Variants in SORCS1 observed in about 807,000 individuals in gnomAD.
The protein encoded by SORCS1 is sortilin related VPS10 domain containing receptor 1.
In SORCS1, 60 loss-of-function variants were observed where a neutral mutation model predicts 146.1. The ratio of observed to expected loss-of-function variants is 0.41; its 90% CI spans 0.33 to 0.51. The LOEUF is 0.51. SORCS1 is among the 20% of genes least tolerant of loss of function. The pLI is 0.21. For missense variants in SORCS1, 1,352 were observed against 1,487.6 expected, an observed-to-expected ratio of 0.91 and a Z score of 1.50; for synonymous variants, 637 against 584.0, an observed-to-expected ratio of 1.09 and a Z score of -1.31.
intron 1 of SORCS1, among the ~76,000 whole-genome samples, chr10:107,052,230 C>T (rs1295371877): frequency 6.6e-6 from 1 of 152,138 alleles, no homozygotes; most frequent in Non-Finnish European, 1.5e-5. Context: ...ACTCATTTAT[C>T]ATTTCTCAGC....
intron 8 of SORCS1, among the ~76,000 whole-genome samples, chr10:106,701,625 T>G (rs1337708669): frequency 6.6e-6 from 1 of 152,152 alleles, no homozygotes; most frequent in African/African-American, 2.4e-5. Flanking sequence ...TCCTGTGACA[T>G]TTTTTTGGTC....
chr10:107,152,443 T>G (rs1223151850), intron 1 of SORCS1, among the ~76,000 whole-genome samples: 1 of 152,158 alleles, frequency 6.6e-6, no homozygotes, highest in South Asian at 2.1e-4. Context: ...ACTTGTTCCA[T>G]GCATTTGGAA....
chr10:106,657,274 A>C (rs191966017), intron 17 of SORCS1, among the ~76,000 whole-genome samples: 1 of 152,228 alleles, frequency 6.6e-6, no homozygotes, highest in African/African-American at 2.4e-5. Context: ...CTACTCAGTC[A>C]TAAAAAAAGA....
intron 5 of SORCS1, among the ~76,000 whole-genome samples, chr10:106,760,210 C>T (rs879775041): frequency 5.9e-5 from 9 of 151,516 alleles, no homozygotes; most frequent in South Asian, 2.1e-4. Flanking sequence ...TTTGGGAGGC[C>T]GAGGTGGGGG....
At chr10:107,103,338 T>C (rs1965077957) in intron 1 of SORCS1, among the ~76,000 whole-genome samples, 1 of 152,194 alleles carries the variant, frequency 6.6e-6, no homozygotes, top group South Asian at 2.1e-4. Context: ...GCTTTTGTCA[T>C]TGTGGATGGC....
chr10:106,686,731 C>T (rs577487426), intron 10 of SORCS1, among the ~76,000 whole-genome samples: 41 of 152,124 alleles, frequency 2.7e-4, no homozygotes, highest in Non-Finnish European at 4.7e-4. Flanking sequence ...AGACTGCTTC[C>T]CTGATGCACA....
At chr10:106,675,479 A>G (rs1209480004) in intron 13 of SORCS1, among the ~76,000 whole-genome samples, 1 of 152,144 alleles carries the variant, frequency 6.6e-6, no homozygotes, top group East Asian at 1.9e-4. Context: ...ACCCTGTCCA[A>G]AACCTCTCTA....
intron 2 of SORCS1, among the ~76,000 whole-genome samples, chr10:106,869,200 C>T (rs1950321434): frequency 6.6e-6 from 1 of 152,032 alleles, no homozygotes; most frequent in Non-Finnish European, 1.5e-5. Flanking sequence ...CAGCAATAAA[C>T]AGTCTACCAA....
At chr10:106,804,135 T>G (rs949407501) in intron 3 of SORCS1, among the ~76,000 whole-genome samples, 5 of 152,132 alleles carry the variant, frequency 3.3e-5, no homozygotes, top group African/African-American at 1.2e-4. Context: ...GTACTCATAA[T>G]TATTGTATCA....
intron 5 of SORCS1, among the ~76,000 whole-genome samples, chr10:106,752,265 C>A (rs924560177): frequency 6.6e-6 from 1 of 152,136 alleles, no homozygotes; most frequent in Non-Finnish European, 1.5e-5. Context: ...AAAGAGATTT[C>A]TTTTGTCCCC....
At chr10:106,719,445 G>A (rs1255481799) in intron 6 of SORCS1, among the ~76,000 whole-genome samples, 12 of 146,872 alleles carry the variant, frequency 8.2e-5, no homozygotes, top group Non-Finnish European at 1.5e-4. Flanking sequence ...ATGGAGTCTC[G>A]CTCTGTCGCC....
At chr10:106,579,031 A>G in intron 25 of SORCS1, 1 of 1,594,706 alleles carries the variant, frequency 6.3e-7, no homozygotes, top group Non-Finnish European at 8.5e-7. Context: ...AAGGGGTTAG[A>G]GAGAGAGTCA....
intron 3 of SORCS1, among the ~76,000 whole-genome samples, chr10:106,801,490 AC>A (rs1246030895): frequency 4.6e-5 from 7 of 151,488 alleles, no homozygotes; most frequent in African/African-American, 1.7e-4. Context: ...ATGTAAACCC[AC>A]GAATTTATTG....
At chr10:106,872,353 G>A (rs1412141821) in intron 2 of SORCS1, among the ~76,000 whole-genome samples, 1 of 152,188 alleles carries the variant, frequency 6.6e-6, no homozygotes, top group East Asian at 1.9e-4. Context: ...TTATGACCAG[G>A]TGGTGAGCAT....
chr10:106,811,632 T>C (rs370524985), intron 3 of SORCS1, among the ~76,000 whole-genome samples: 2 of 152,284 alleles, frequency 1.3e-5, no homozygotes, highest in Admixed American at 6.5e-5. Context: ...GAAAGGCAAC[T>C]GGGCATATCT....
intron 1 of SORCS1, among the ~76,000 whole-genome samples, chr10:107,105,402 C>T (rs1190283621): frequency 2.6e-5 from 4 of 152,146 alleles, no homozygotes; most frequent in East Asian, 1.9e-4. Flanking sequence ...TTGACTCACA[C>T]GATCATAAGG....
chr10:106,950,861 T>C (rs1046033963), intron 2 of SORCS1, among the ~76,000 whole-genome samples: 1 of 152,100 alleles, frequency 6.6e-6, no homozygotes, highest in Admixed American at 6.6e-5. Flanking sequence ...TGTCTAACAC[T>C]CAGCATCATG....
chr10:106,849,478 T>A (rs1949452665), intron 2 of SORCS1, among the ~76,000 whole-genome samples: 1 of 144,706 alleles, frequency 6.9e-6, no homozygotes, highest in African/African-American at 2.5e-5. Context: ...ATTCTAGTTA[T>A]ACATTCTTCT....
intron 2 of SORCS1, among the ~76,000 whole-genome samples, chr10:106,920,115 C>A (rs1210838148): frequency 6.6e-6 from 1 of 152,076 alleles, no homozygotes; most frequent in African/African-American, 2.4e-5. Context: ...ACCACTGTTA[C>A]CCCCAGTCAC....
Sources: allele counts gnomAD v4.1 joint callset (sites outside exome capture counted in the v4.1 genomes callset), GRCh38; gene constraint gnomAD v4.1.1; transcripts MANE v1.5; gene names NCBI Gene and HGNC (gene_info 2026-07-23, HGNC 2026-07-21).